Variants in PCDHA8 observed in about 807,000 individuals in gnomAD.
The protein encoded by PCDHA8 is protocadherin alpha-8.
A neutral mutation model predicts 61.8 loss-of-function variants in PCDHA8; 53 were observed. The ratio of observed to expected loss-of-function variants is 0.86; its 90% CI spans 0.69 to 1.08. The LOEUF is 1.08. Ranked by LOEUF, PCDHA8 falls within the 50% of genes least tolerant of loss-of-function variation. The pLI, the probability that PCDHA8 is intolerant of heterozygous loss-of-function variation, is 0.00. For synonymous variants in PCDHA8, 618 were observed against 556.6 expected, an observed-to-expected ratio of 1.11 and a Z score of -1.55; for missense variants, 1,293 against 1,245.0, an observed-to-expected ratio of 1.04 and a Z score of -0.58.
intron 1 of PCDHA8, among the ~76,000 whole-genome samples, chr5:140,893,847 C>T (rs962788536): frequency 6.6e-6 from 1 of 152,134 alleles, no homozygotes; most frequent in African/African-American, 2.4e-5. Flanking sequence ...TGATGCCCTA[C>T]CTCTTGTATA....
At position 140,969,194 on chromosome 5, in the gene PCDHA8, A is replaced by G. The variant is rs782262250; in HGVS notation, c.2395-9755A>G. On this transcript the variant is annotated intron_variant, in intron 1 of 3. Coordinates refer to ENST00000531613, the MANE Select transcript of PCDHA8 (RefSeq NM_018911.3). ...AGGGAGTGACACTTTCATGTTTTAC[A>G]ATACAGGGGCCCAGACAGGACCAGG... 1.8e-5 allele frequency: 29 copies of G among 1,614,026 alleles called. No homozygotes were observed. The highest frequency in any genetic ancestry group is 2.3e-5 in the Non-Finnish European group (27 of 1,180,018).
chr5:140,908,455 A>G (rs1425485479), intron 1 of PCDHA8, among the ~76,000 whole-genome samples: 7 of 152,178 alleles, frequency 4.6e-5, no homozygotes, highest in South Asian at 4.1e-4. Flanking sequence ...GGCTAGATGG[A>G]TCAGAAAGCA....
intron 1 of PCDHA8, chr5:140,926,870 G>A: frequency 6.6e-7 from 1 of 1,524,514 alleles, no homozygotes; most frequent in South Asian, 1.3e-5. Context: ...CGTGTTGGTG[G>A]AACGTGGACG....
At chr5:140,978,422 T>C (rs1554239303) in intron 1 of PCDHA8, among the ~76,000 whole-genome samples, 2 of 152,218 alleles carry the variant, frequency 1.3e-5, no homozygotes, top group Non-Finnish European at 2.9e-5. Flanking sequence ...AAGAGACTGT[T>C]ATCAGTTGCT....
At chr5:140,973,324 C>T (rs1261856526) in intron 1 of PCDHA8, among the ~76,000 whole-genome samples, 4 of 152,174 alleles carry the variant, frequency 2.6e-5, no homozygotes, top group Admixed American at 1.3e-4. Context: ...ACAGAGTTTA[C>T]ACTCGTTGTA....
chr5:140,859,882 T>C (rs2046069596), intron 1 of PCDHA8: 1 of 152,016 alleles, frequency 6.6e-6, no homozygotes, highest in Admixed American at 6.6e-5. Context: ...CTCTGATATT[T>C]TGAAAAAAAA....
intron 3 of PCDHA8, among the ~76,000 whole-genome samples, chr5:140,993,787 A>AT (rs1554253947): frequency 6.6e-6 from 1 of 152,196 alleles, no homozygotes; most frequent in Non-Finnish European, 1.5e-5. Context: ...GTACAGTAAC[A>AT]TGCTGTGCAG....
intron 1 of PCDHA8, chr5:140,865,192 A>C (rs1306002523): frequency 3.9e-5 from 6 of 152,218 alleles, no homozygotes; most frequent in Non-Finnish European, 8.8e-5. Flanking sequence ...CCTTCACACC[A>C]TATTAATGTG....
intron 1 of PCDHA8, among the ~76,000 whole-genome samples, chr5:140,938,625 T>G (rs2092136082): frequency 6.6e-6 from 1 of 152,220 alleles, no homozygotes; most frequent in African/African-American, 2.4e-5. Flanking sequence ...AAACTCAGGT[T>G]GCTTATGATG....
At chr5:140,966,405 A>G (rs562045428) in intron 1 of PCDHA8, 6 of 404,248 alleles carry the variant, frequency 1.5e-5, no homozygotes, top group African/African-American at 1.2e-4. Context: ...TCGGCGCGGA[A>G]TCAGAGCAGG....
At chr5:140,955,126 G>T (rs947007538) in intron 1 of PCDHA8, among the ~76,000 whole-genome samples, 6 of 152,110 alleles carry the variant, frequency 3.9e-5, no homozygotes, top group African/African-American at 1.4e-4. Flanking sequence ...CTGTTCCACT[G>T]GTCTACACGT....
chr5:140,945,887 A>G (rs1291923718), intron 1 of PCDHA8, among the ~76,000 whole-genome samples: 2 of 152,132 alleles, frequency 1.3e-5, no homozygotes, highest in Admixed American at 1.3e-4. Flanking sequence ...AACAAAGAAA[A>G]CACAGTGGGA....
intron 3 of PCDHA8, among the ~76,000 whole-genome samples, chr5:141,000,387 C>A (rs868946328): frequency 8.2e-4 from 55 of 66,860 alleles, no homozygotes; most frequent in African/African-American, 2.7e-3. Context: ...CTCTCTCTCT[C>A]TCTCTCTCTA....
intron 1 of PCDHA8, among the ~76,000 whole-genome samples, chr5:140,937,624 A>G (rs2091636613): frequency 6.6e-6 from 1 of 150,778 alleles, no homozygotes; most frequent in Non-Finnish European, 1.5e-5. Context: ...CTAAAAAGAA[A>G]AAGAAAGGCA....
rs782328804 is a variant in PCDHA8, at chr5:140,882,548, G to A, written c.2394+38833G>A. The A allele has an allele frequency of 5.3e-5, 86 of 1,614,126 alleles. No homozygotes were observed. The highest frequency in any genetic ancestry group is 4.9e-4 in the East Asian group (22 of 44,902). ...TGTGAATTCTCGGATCGACCGCGAG[G>A]AGCTGTGTGGGCGGAGCGCGGAGTG... On this transcript the variant is annotated intron_variant, in intron 1 of 3. Transcript: ENST00000531613.
At chr5:140,951,247 A>G (rs185452142) in intron 1 of PCDHA8, among the ~76,000 whole-genome samples, 1 of 152,230 alleles carries the variant, frequency 6.6e-6, no homozygotes, top group Non-Finnish European at 1.5e-5. Context: ...TTAGGAATGC[A>G]TCACATTTTT....
In PCDHA8 at chr5:140,846,617, G is replaced by A. The variant is rs2150393003; in HGVS notation, c.2394+2902G>A. Among the ~76,000 whole-genome samples, 14 of 148,740 alleles carry A rather than the reference G, an allele frequency of 9.4e-5. 1 individual carries two copies. The highest frequency in any genetic ancestry group is 1.7e-4 in the African/African-American group (7 of 40,642). ...TCTCGATCTCCTGACCTCCTGATCC[G>A]CCCACTTCGGCCTCCTAAAGTGCTG... is the stretch of plus-strand genomic sequence containing the variant. On this transcript the variant is annotated intron_variant, in intron 1 of 3. Transcript: ENST00000531613.
chr5:140,872,007 G>A (rs974078446), intron 1 of PCDHA8, among the ~76,000 whole-genome samples: 7 of 152,176 alleles, frequency 4.6e-5, no homozygotes, highest in African/African-American at 1.4e-4. Flanking sequence ...ATTTACAGGT[G>A]ACCTGTAGCC....
intron 1 of PCDHA8, chr5:140,927,125 G>C (rs782734791): frequency 6.2e-7 from 1 of 1,614,076 alleles, no homozygotes; most frequent in Admixed American, 1.7e-5. Flanking sequence ...TTGGTGGTCA[G>C]AGAGCCGGCG....
Sources: allele counts gnomAD v4.1 joint callset (sites outside exome capture counted in the v4.1 genomes callset), GRCh38; gene constraint gnomAD v4.1.1; transcripts MANE v1.5; gene names NCBI Gene and HGNC (gene_info 2026-07-23, HGNC 2026-07-21).